COBL: variants seen among roughly 807,000 people sequenced by gnomAD.
COBL encodes cordon-bleu WH2 repeat protein.
A neutral mutation model predicts 98.8 loss-of-function variants in COBL; 51 were observed. The observed-to-expected ratio is 0.52, with a 90% CI of 0.41 to 0.65. The LOEUF (loss-of-function observed/expected upper bound fraction) is 0.65, where lower values mean the gene tolerates loss of function less well. Among genes scored for constraint, COBL ranks in the 30% least tolerant of loss-of-function variants. The pLI, the probability that COBL is intolerant of heterozygous loss-of-function variation, is 0.00. For synonymous variants in COBL, 634 were observed against 651.7 expected (o/e 0.97, Z 0.41); for missense variants, 1,617 against 1,617.5 (o/e 1.00, Z 0.01).
chr7:51,176,021 G>A (rs1354232473), intron 5 of COBL, among the ~76,000 whole-genome samples: 1 of 152,126 alleles, frequency 6.6e-6, no homozygotes, highest in African/African-American at 2.4e-5. Context: ...GTATACAGAC[G>A]GTCAGCTGAG....
chr7:51,057,002 T>C (rs567306537), intron 7 of COBL, among the ~76,000 whole-genome samples: 2 of 152,316 alleles, frequency 1.3e-5, no homozygotes, highest in South Asian at 4.1e-4. Flanking sequence ...CCTGGTGAAA[T>C]CTGCCATCCT....
At chr7:51,294,017 G>A (rs1289765696) in intron 1 of COBL, among the ~76,000 whole-genome samples, 1 of 152,168 alleles carries the variant, frequency 6.6e-6, no homozygotes, top group East Asian at 1.9e-4. Context: ...TAGGCTGGGC[G>A]AGGTGGCTCA....
intron 1 of COBL, among the ~76,000 whole-genome samples, chr7:51,284,805 C>A (rs1460309364): frequency 6.9e-6 from 1 of 145,666 alleles, no homozygotes; most frequent in Non-Finnish European, 1.5e-5. Flanking sequence ...CCAGCCTGGG[C>A]AACAAAGCAA....
chr7:51,306,673 C>T (rs1040678875), intron 1 of COBL, among the ~76,000 whole-genome samples: 1 of 152,160 alleles, frequency 6.6e-6, no homozygotes, highest in African/African-American at 2.4e-5. Flanking sequence ...GTTTGGTCCT[C>T]TCCTATCACA....
intron 4 of COBL, among the ~76,000 whole-genome samples, chr7:51,186,956 T>C (rs750114381): frequency 2.0e-5 from 3 of 152,150 alleles, no homozygotes; most frequent in Non-Finnish European, 2.9e-5. Flanking sequence ...CTAGAACCCA[T>C]GGTGCCTATG....
At chr7:51,116,940 AT>A (rs1797317358) in intron 6 of COBL, among the ~76,000 whole-genome samples, 1 of 151,966 alleles carries the variant, frequency 6.6e-6, no homozygotes, top group Non-Finnish European at 1.5e-5. Flanking sequence ...TTATATATAT[AT>A]TTTTAATAAT....
chr7:51,196,513 A>T (rs2129061114), intron 2 of COBL, among the ~76,000 whole-genome samples: 1 of 152,262 alleles, frequency 6.6e-6, no homozygotes, highest in Middle Eastern at 3.4e-3. Flanking sequence ...TGTTGGCCTC[A>T]CAAAATGAGT....
chr7:51,146,200 A>C (rs1014941348), intron 5 of COBL, among the ~76,000 whole-genome samples: 1 of 152,244 alleles, frequency 6.6e-6, no homozygotes, highest in African/African-American at 2.4e-5. Context: ...CAGAGAGGGA[A>C]TAATCATGTT....
At chr7:51,193,644 G>C in intron 2 of COBL, 55 bp from the exon 3 acceptor site, 1 of 1,516,298 alleles carries the variant, frequency 6.6e-7, no homozygotes, top group South Asian at 1.2e-5. Flanking sequence ...TCTCTCTTTT[G>C]CCTGGCTAAA....
chr7:51,054,190 T>TCAAA (rs571561752), intron 7 of COBL, among the ~76,000 whole-genome samples: 275 of 152,176 alleles, frequency 1.8e-3, no homozygotes, highest in Non-Finnish European at 2.3e-3. Flanking sequence ...TCTCAATCAA[T>TCAAA]CAAACAAACA....
chr7:51,299,568 T>A (rs763003484), intron 1 of COBL, among the ~76,000 whole-genome samples: 2 of 152,052 alleles, frequency 1.3e-5, no homozygotes, highest in Non-Finnish European at 2.9e-5. Context: ...GGAGGAAGGG[T>A]GCTGCAGCCC....
chr7:51,146,417 G>A (rs1785035611), intron 5 of COBL, among the ~76,000 whole-genome samples: 1 of 152,134 alleles, frequency 6.6e-6, no homozygotes, highest in Admixed American at 6.5e-5. Flanking sequence ...TCATCTCAAG[G>A]TCACCCATGA....
intron 1 of COBL, among the ~76,000 whole-genome samples, chr7:51,240,865 C>G (rs2129122244): frequency 6.6e-6 from 1 of 152,292 alleles, no homozygotes; most frequent in Non-Finnish European, 1.5e-5. Flanking sequence ...AAATTAGGTA[C>G]TACACATCCT....
chr7:51,242,369 T>G (rs1795870808), intron 1 of COBL, among the ~76,000 whole-genome samples: 1 of 152,254 alleles, frequency 6.6e-6, no homozygotes, highest in Non-Finnish European at 1.5e-5. Context: ...GAATGTACTT[T>G]GATTTTTGAT....
chr7:51,174,477 TA>T (rs199725655), intron 5 of COBL, among the ~76,000 whole-genome samples: 2,202 of 152,164 alleles, frequency 0.014, 54 homozygotes, highest in African/African-American at 0.051. Context: ...AGGAAAGTGA[TA>T]AATGAAAGAT....
At chr7:51,201,639 T>C (rs1000308209) in intron 2 of COBL, among the ~76,000 whole-genome samples, 5 of 152,176 alleles carry the variant, frequency 3.3e-5, no homozygotes, top group Non-Finnish European at 7.3e-5. Flanking sequence ...ATAATGTCCA[T>C]CTAATATCAG....
intron 8 of COBL, 25 bp from the exon 9 acceptor site, chr7:51,030,934 GCAC>G: frequency 7.0e-7 from 1 of 1,431,388 alleles, no homozygotes; most frequent in Non-Finnish European, 9.8e-7. Context: ...AGAGAAAGGA[GCAC>G]TCATTTCTCT....
Position 51,224,996 on chromosome 7 carries a change from G to A in COBL, c.42-5052C>T, listed in dbSNP as rs145397877. ...CAGGCTGTGAGTGTGGGTGGACTGTGTGTGTGGGTGGACTGTGTGTGTGGA... is the reference window on the plus strand; with the variant it reads ...CAGGCTGTGAGTGTGGGTGGACTGTATGTGTGGGTGGACTGTGTGTGTGGA... On this transcript the variant is annotated intron_variant, in intron 1 of 12. Coordinates refer to ENST00000265136, the MANE Select transcript of COBL (RefSeq NM_015198.5). 6.6e-5 allele frequency among the ~76,000 whole-genome samples: 10 copies of A among 152,208 alleles called. No homozygotes were observed. The East Asian group carries it at 1.9e-3, about 29-fold the overall frequency.
At chr7:51,252,178 C>A (rs1001148) in intron 1 of COBL, among the ~76,000 whole-genome samples, 1 of 151,962 alleles carries the variant, frequency 6.6e-6, no homozygotes, top group Non-Finnish European at 1.5e-5. Context: ...TTTCATGACA[C>A]TGGCTTTTTA....
Sources: allele counts gnomAD v4.1 joint callset (sites outside exome capture counted in the v4.1 genomes callset), GRCh38; gene constraint gnomAD v4.1.1; transcripts MANE v1.5; gene names NCBI Gene and HGNC (gene_info 2026-07-23, HGNC 2026-07-21).